The following DCDC1 variants were observed in gnomAD, a reference collection of about 807,000 sequenced individuals.
DCDC1 encodes the protein doublecortin domain containing 1.
In DCDC1, 200 loss-of-function variants were observed where a neutral mutation model predicts 178.3. The observed-to-expected ratio is 1.12, with a 90% CI of 1.00 to 1.26. The LOEUF (loss-of-function observed/expected upper bound fraction) is 1.26. DCDC1 is among the 50% of genes most tolerant of loss of function. The pLI is 0.00. For synonymous variants in DCDC1, 690 were observed against 604.8 expected (o/e 1.14, Z -2.07); for missense variants, 1,983 against 1,749.2 (o/e 1.13, Z -2.38).
At chr11:31,311,595 G>A (rs1041803825) in intron 3 of DCDC1, among the ~76,000 whole-genome samples, 3 of 152,072 alleles carry the variant, frequency 2.0e-5, no homozygotes, top group Admixed American at 6.5e-5. Context: ...ATGATTGCAG[G>A]CCCAGTCTCT....
chr11:31,266,435 T>C (rs187885393), intron 7 of DCDC1, among the ~76,000 whole-genome samples: 20 of 152,326 alleles, frequency 1.3e-4, no homozygotes, highest in African/African-American at 3.8e-4. Context: ...GAGTGTCAGG[T>C]AACCTGAGGC....
chr11:31,116,658 T>C (rs1352394893), intron 11 of DCDC1, among the ~76,000 whole-genome samples: 1 of 152,056 alleles, frequency 6.6e-6, no homozygotes, highest in African/African-American at 2.4e-5. Flanking sequence ...AATTATGGGA[T>C]TCTGGCAACA....
intron 9 of DCDC1, among the ~76,000 whole-genome samples, chr11:31,159,280 G>A (rs1240854335): frequency 1.3e-5 from 2 of 152,246 alleles, no homozygotes; most frequent in Non-Finnish European, 2.9e-5. Flanking sequence ...CTCCAGCTAG[G>A]TTTATTGGCA....
At chr11:31,067,944 G>A (rs1444173415) in intron 18 of DCDC1, among the ~76,000 whole-genome samples, 1 of 152,088 alleles carries the variant, frequency 6.6e-6, no homozygotes, top group Non-Finnish European at 1.5e-5. Context: ...TTAGATTGTG[G>A]TGACGGATGC....
At chr11:31,312,330 T>A (rs2137666360) in intron 3 of DCDC1, among the ~76,000 whole-genome samples, 1 of 152,350 alleles carries the variant, frequency 6.6e-6, no homozygotes, top group Non-Finnish European at 1.5e-5. Flanking sequence ...TGTATTATTA[T>A]TCCCCTTTTC....
intron 6 of DCDC1, among the ~76,000 whole-genome samples, chr11:31,301,502 G>A (rs1029189414): frequency 1.3e-5 from 2 of 152,122 alleles, no homozygotes; most frequent in African/African-American, 4.8e-5. Context: ...ATTGAAATTT[G>A]TGCTTTTAAC....
chr11:31,032,430 A>G (rs1953712376), intron 20 of DCDC1, among the ~76,000 whole-genome samples: 1 of 152,186 alleles, frequency 6.6e-6, no homozygotes, highest in Non-Finnish European at 1.5e-5. Context: ...ACTGCTATGG[A>G]AAGAAGCCAT....
At chr11:31,016,567 A>G (rs768930552) in intron 20 of DCDC1, among the ~76,000 whole-genome samples, 2 of 152,180 alleles carry the variant, frequency 1.3e-5, no homozygotes, top group Non-Finnish European at 2.9e-5. Context: ...GGGTGGCATC[A>G]AAGAAGGTTC....
At chr11:30,878,400 G>A in intron 38 of DCDC1, 144 bp downstream of exon 38, 2 of 704,512 alleles carry the variant, frequency 2.8e-6, no homozygotes, top group Non-Finnish European at 4.2e-6. Flanking sequence ...GCTGCAGTAA[G>A]CTGTGATTGT....
intron 38 of DCDC1, among the ~76,000 whole-genome samples, chr11:30,870,704 C>G (rs537835617): frequency 2.0e-5 from 3 of 152,280 alleles, no homozygotes; most frequent in African/African-American, 7.2e-5. Flanking sequence ...TACTTAAGAT[C>G]TCAAATGGTA....
intron 7 of DCDC1, among the ~76,000 whole-genome samples, chr11:31,282,517 A>G (rs1002280883): frequency 6.6e-6 from 1 of 152,000 alleles, no homozygotes; most frequent in Non-Finnish European, 1.5e-5. Context: ...GAGTGACCTG[A>G]TATATTTGGT....
intron 1 of DCDC1, among the ~76,000 whole-genome samples, chr11:31,339,778 T>C (rs1416696505): frequency 2.6e-5 from 4 of 152,228 alleles, no homozygotes; most frequent in South Asian, 2.1e-4. Flanking sequence ...CTAAAGTAGA[T>C]AGTTTTGACA....
chr11:31,006,727 A>G (rs1951867325), intron 20 of DCDC1, among the ~76,000 whole-genome samples: 1 of 152,234 alleles, frequency 6.6e-6, no homozygotes, highest in South Asian at 2.1e-4. Context: ...CTAACTAACA[A>G]TAATGCAATT....
intron 6 of DCDC1, among the ~76,000 whole-genome samples, chr11:31,294,939 G>A (rs980156745): frequency 6.6e-6 from 1 of 152,118 alleles, no homozygotes; most frequent in African/African-American, 2.4e-5. Context: ...TTCAGATCAA[G>A]ATAAAGGATT....
At chr11:31,018,143 T>G (rs1337964327) in intron 20 of DCDC1, among the ~76,000 whole-genome samples, 2 of 152,096 alleles carry the variant, frequency 1.3e-5, no homozygotes, top group African/African-American at 4.8e-5. Flanking sequence ...AACTAAATCA[T>G]GGTTTTCATT....
chr11:31,036,267 T>G (rs1472924421), intron 20 of DCDC1, among the ~76,000 whole-genome samples: 2 of 152,240 alleles, frequency 1.3e-5, no homozygotes, highest in Admixed American at 6.5e-5. Flanking sequence ...TTATTTATTC[T>G]GAACTTGAGA....
intron 6 of DCDC1, among the ~76,000 whole-genome samples, chr11:31,294,408 C>A (rs1947452888): frequency 6.6e-6 from 1 of 151,318 alleles, no homozygotes; most frequent in African/African-American, 2.4e-5. Flanking sequence ...ATGGTGAAAC[C>A]CCATCTCTAC....
chr11:30,882,139 C>T (rs979821849), intron 36 of DCDC1: 3 of 152,630 alleles, frequency 2.0e-5, no homozygotes, highest in Non-Finnish European at 4.4e-5. Flanking sequence ...ACCATCAATA[C>T]TTCTGTTTAT....
chr11:31,016,757 G>A (rs1026137920), intron 20 of DCDC1, among the ~76,000 whole-genome samples: 12 of 152,146 alleles, frequency 7.9e-5, no homozygotes, highest in African/African-American at 1.2e-4. Context: ...AAATAGGGAT[G>A]CCTGTGTCCC....
Sources: gnomAD v4.1 joint callset for allele counts (sites outside exome capture counted in the v4.1 genomes callset) on GRCh38, gnomAD v4.1.1 for gene constraint, MANE v1.5 for transcripts, NCBI Gene and HGNC (gene_info 2026-07-23, HGNC 2026-07-21) for gene names.